The following SYT14 variants were observed in gnomAD, a reference collection of about 807,000 sequenced individuals.
The protein encoded by SYT14 is synaptotagmin-14.
In SYT14, 32 loss-of-function variants were observed where a neutral mutation model predicts 74.2. That is an observed-to-expected ratio of 0.43 (90% confidence interval 0.33 to 0.58). The LOEUF is 0.58. Ranked by LOEUF, SYT14 falls within the 20% of genes least tolerant of loss-of-function variation. The probability of loss-of-function intolerance (pLI) is 0.05; values close to 1 mark genes in which losing one functional copy is unlikely to be tolerated. For synonymous variants in SYT14, 298 were observed against 337.7 expected (o/e 0.88, Z 1.29); for missense variants, 791 against 981.8 (o/e 0.81, Z 2.60).
At chr1:210,051,570 T>C (rs933169068) in intron 5 of SYT14, among the ~76,000 whole-genome samples, 5 of 152,230 alleles carry the variant, frequency 3.3e-5, no homozygotes, top group African/African-American at 4.8e-5. Flanking sequence ...TTATCATTCC[T>C]GTGTTTTGTT....
intron 2 of SYT14, among the ~76,000 whole-genome samples, chr1:209,992,674 A>T (rs1223009062): frequency 7.0e-6 from 1 of 142,730 alleles, no homozygotes; most frequent in Non-Finnish European, 1.6e-5. Context: ...CTGAATTTAT[A>T]AAAAACAAAT....
chr1:210,059,597 A>G (rs2081171423), intron 5 of SYT14, among the ~76,000 whole-genome samples: 1 of 151,856 alleles, frequency 6.6e-6, no homozygotes, highest in Non-Finnish European at 1.5e-5. Context: ...CAGTTCATGC[A>G]CTGCATGTTT....
At chr1:210,029,308 C>A (rs963669609) in intron 5 of SYT14, among the ~76,000 whole-genome samples, 1 of 151,724 alleles carries the variant, frequency 6.6e-6, no homozygotes, top group African/African-American at 2.4e-5. Context: ...TTGTTGTTTT[C>A]TGTGCCTTTG....
At chr1:210,048,609 T>A (rs1039559768) in intron 5 of SYT14, among the ~76,000 whole-genome samples, 10 of 152,080 alleles carry the variant, frequency 6.6e-5, no homozygotes, top group Non-Finnish European at 1.3e-4. Flanking sequence ...CTTGTGAGAG[T>A]TAAAATTCAA....
intron 5 of SYT14, among the ~76,000 whole-genome samples, chr1:210,034,724 A>C (rs1370369639): frequency 1.3e-5 from 2 of 151,774 alleles, no homozygotes; most frequent in South Asian, 4.1e-4. Context: ...GGGATCATGC[A>C]GTATATGACT....
exon 10 of SYT14, chr1:210,168,238 T>C (rs2083476695): frequency 6.8e-6 from 1 of 146,276 alleles, no homozygotes. Flanking sequence ...AATTTCTAAT[T>C]AATTATAAGA....
At chr1:210,103,907 C>T (rs1178788816) in intron 7 of SYT14, among the ~76,000 whole-genome samples, 1 of 152,134 alleles carries the variant, frequency 6.6e-6, no homozygotes, top group African/African-American at 2.4e-5. Context: ...TCTCTTCTAC[C>T]TTTTCAGTAA....
intron 2 of SYT14, among the ~76,000 whole-genome samples, chr1:209,979,170 C>T (rs6682546): frequency 0.43 from 65,363 of 152,028 alleles, 16,222 homozygotes; most frequent in Non-Finnish European, 0.56. Context: ...GGCGATGCCT[C>T]GCCCTGCTTT....
chr1:210,009,576 A>C (rs1043302410), intron 2 of SYT14, among the ~76,000 whole-genome samples: 1 of 152,064 alleles, frequency 6.6e-6, no homozygotes, highest in African/African-American at 2.4e-5. Flanking sequence ...GATATTTACC[A>C]TTAATAAAGC....
intron 5 of SYT14, among the ~76,000 whole-genome samples, chr1:210,058,260 A>G (rs1247841002): frequency 6.6e-6 from 1 of 152,156 alleles, no homozygotes; most frequent in African/African-American, 2.4e-5. Context: ...TATCAGTCTA[A>G]CTGCTGTGCT....
At chr1:209,969,459 T>TATCTC (rs923030040) in intron 2 of SYT14, among the ~76,000 whole-genome samples, 12 of 151,798 alleles carry the variant, frequency 7.9e-5, no homozygotes, top group African/African-American at 2.9e-4. Flanking sequence ...TGTGAAATGG[T>TATCTC]ATCTCATTGT....
chr1:210,151,162 G>A (rs1027474053), intron 7 of SYT14, among the ~76,000 whole-genome samples: 3 of 152,174 alleles, frequency 2.0e-5, no homozygotes, highest in African/African-American at 7.2e-5. Context: ...TGGGGAGCCT[G>A]TGGGACTGTT....
chr1:210,045,875 A>C (rs933374418), intron 5 of SYT14, among the ~76,000 whole-genome samples: 6 of 152,110 alleles, frequency 3.9e-5, no homozygotes, highest in African/African-American at 1.4e-4. Context: ...ATATATTTTC[A>C]TTAATTCTCA....
chr1:210,146,395 T>C (rs2083035616), intron 7 of SYT14, among the ~76,000 whole-genome samples: 1 of 152,134 alleles, frequency 6.6e-6, no homozygotes, highest in Non-Finnish European at 1.5e-5. Context: ...TGAAGTCTGG[T>C]CACAAATAAA....
intron 2 of SYT14, among the ~76,000 whole-genome samples, chr1:209,953,458 G>A (rs932279299): frequency 6.6e-6 from 1 of 152,066 alleles, no homozygotes; most frequent in Non-Finnish European, 1.5e-5. Flanking sequence ...TAAACTTGGG[G>A]CACTTTCTTT....
chr1:210,147,769 GAGTGCT>G (rs1215373353), intron 7 of SYT14, among the ~76,000 whole-genome samples: 1 of 152,184 alleles, frequency 6.6e-6, no homozygotes, highest in Non-Finnish European at 1.5e-5. Context: ...GCAGAATTAA[GAGTGCT>G]AGTGAGAAAG....
intron 7 of SYT14, among the ~76,000 whole-genome samples, chr1:210,152,282 A>G (rs2083179918): frequency 6.6e-6 from 1 of 152,176 alleles, no homozygotes; most frequent in South Asian, 2.1e-4. Context: ...TAGTCCAACA[A>G]GTTTGTTCAG....
intron 7 of SYT14, among the ~76,000 whole-genome samples, chr1:210,133,003 T>G (rs1465007616): frequency 6.6e-6 from 1 of 152,238 alleles, no homozygotes; most frequent in Non-Finnish European, 1.5e-5. Flanking sequence ...TCTGAATTTA[T>G]TATATCTTAC....
chr1:210,094,187 G>A (rs2081927291), intron 5 of SYT14, 135 bp from the exon 5 acceptor site: 1 of 1,160,668 alleles, frequency 8.6e-7, no homozygotes, highest in African/African-American at 1.5e-5. Context: ...AAAAAGAGAA[G>A]TCATTAGTAA....
Sources: gnomAD v4.1 joint callset for allele counts (sites outside exome capture counted in the v4.1 genomes callset) on GRCh38, gnomAD v4.1.1 for gene constraint, MANE v1.5 for transcripts, NCBI Gene and HGNC (gene_info 2026-07-23, HGNC 2026-07-21) for gene names.